The following DYM variants were observed in gnomAD, a reference collection of about 807,000 sequenced individuals.
DYM encodes the protein dymeclin.
DYM carries 78 observed loss-of-function variants against 93.1 expected under a neutral mutation model. The observed-to-expected ratio is 0.84, with a 90% CI of 0.70 to 1.01. The LOEUF (loss-of-function observed/expected upper bound fraction) is 1.01. Ranked by LOEUF, DYM falls within the 50% of genes least tolerant of loss-of-function variation. The probability of loss-of-function intolerance (pLI) is 0.00; values close to 1 mark genes in which losing one functional copy is unlikely to be tolerated. For synonymous variants in DYM, 321 were observed against 319.7 expected, an observed-to-expected ratio of 1.00 and a Z score of -0.04; for missense variants, 789 against 845.0, an observed-to-expected ratio of 0.93 and a Z score of 0.82.
At chr18:49,337,846 G>A (rs954402758) in intron 6 of DYM, among the ~76,000 whole-genome samples, 17 of 152,118 alleles carry the variant, frequency 1.1e-4, no homozygotes, top group Non-Finnish European at 1.5e-4. Flanking sequence ...AGCAGACGAA[G>A]AACAAGAAGA....
chr18:49,425,872 C>T (rs1208239154), intron 2 of DYM, among the ~76,000 whole-genome samples: 2 of 151,938 alleles, frequency 1.3e-5, no homozygotes, highest in African/African-American at 2.4e-5. Flanking sequence ...GTTAGAATGG[C>T]GATCATTAAA....
chr18:49,039,671 T>A lies in DYM; in HGVS notation c.*4384A>T, dbSNP rs190350726. Among the ~76,000 whole-genome samples the A allele has an allele frequency of 2.5e-4, 38 of 152,310 alleles. No homozygotes were observed. The highest frequency in any genetic ancestry group is 5.1e-4 in the Non-Finnish European group (35 of 68,026). ...TCTTACTCATTCTCTTTTCAGTTAT[T>A]TCTAATCTGCTCTTAAACCTGTTCA... On this transcript the variant is annotated 3_prime_UTR_variant, in exon 18 of 18. Transcript: ENST00000675505.
rs376672773 is a variant in DYM, at chr18:49,353,571, AAATAT to A, written c.494+9585_494+9589del. On this transcript the variant is annotated intron_variant, in intron 6 of 17. Coordinates refer to ENST00000675505, the MANE Select transcript of DYM (RefSeq NM_001353214.3). The stretch of plus-strand genomic sequence containing the variant: ...ACAGAAAAACTAAAAATGATAATTT[AAATAT>A]AATAGAATATAGCAAGGGAAAAGGT... 1.4e-4 allele frequency among the ~76,000 whole-genome samples: 22 copies of A among 152,214 alleles called. No homozygotes were observed. The South Asian group carries it at 4.1e-3, about 29-fold the overall frequency.
chr18:49,058,492 A>T (rs2075692859), intron 17 of DYM, among the ~76,000 whole-genome samples: 2 of 151,854 alleles, frequency 1.3e-5, no homozygotes, highest in African/African-American at 4.8e-5. Flanking sequence ...GCAAATTTTT[A>T]AATTTTTTAT....
chr18:49,210,709 C>T (rs543811790), intron 13 of DYM, among the ~76,000 whole-genome samples: 1 of 152,260 alleles, frequency 6.6e-6, no homozygotes, highest in Non-Finnish European at 1.5e-5. Context: ...GATTATGTGT[C>T]AATGCAGTTT....
intron 13 of DYM, among the ~76,000 whole-genome samples, chr18:49,250,139 G>C (rs768765604): frequency 6.6e-6 from 1 of 152,234 alleles, no homozygotes; most frequent in African/African-American, 2.4e-5. Flanking sequence ...CCAGAACTAA[G>C]TTTAAATTCC....
At chr18:49,399,073 T>C (rs1340389089) in intron 2 of DYM, among the ~76,000 whole-genome samples, 1 of 152,196 alleles carries the variant, frequency 6.6e-6, no homozygotes, top group Non-Finnish European at 1.5e-5. Flanking sequence ...AGTGCTTGGG[T>C]GCCTAGGACA....
chr18:49,085,963 T>C (rs974642787), intron 17 of DYM, among the ~76,000 whole-genome samples: 25 of 152,306 alleles, frequency 1.6e-4, no homozygotes, highest in African/African-American at 6.0e-4. Flanking sequence ...AGTTTGTGAA[T>C]GACACATTTC....
intron 17 of DYM, among the ~76,000 whole-genome samples, chr18:49,091,163 C>T (rs2079017209): frequency 6.6e-6 from 1 of 152,180 alleles, no homozygotes; most frequent in Non-Finnish European, 1.5e-5. Flanking sequence ...TTTCCTCCCT[C>T]CCTCCCATTC....
chr18:49,239,658 G>A (rs760007613), intron 13 of DYM, among the ~76,000 whole-genome samples: 1 of 152,196 alleles, frequency 6.6e-6, no homozygotes, highest in Non-Finnish European at 1.5e-5. Context: ...AAGAAGAACT[G>A]AGGTGTTCCA....
chr18:49,260,494 GA>G (rs1192864917), intron 11 of DYM, among the ~76,000 whole-genome samples: 1 of 151,966 alleles, frequency 6.6e-6, no homozygotes. Context: ...TAAACTAGAA[GA>G]AAAACAGAAC....
intron 8 of DYM, among the ~76,000 whole-genome samples, chr18:49,321,754 A>AGG (rs35606955): frequency 5.9e-5 from 9 of 151,844 alleles, no homozygotes; most frequent in Admixed American, 1.3e-4. Flanking sequence ...AATCCTGAAA[A>AGG]GGGGGGGAAA....
At chr18:49,064,417 C>T (rs763857681) in intron 17 of DYM, among the ~76,000 whole-genome samples, 5 of 152,178 alleles carry the variant, frequency 3.3e-5, no homozygotes, top group Non-Finnish European at 5.9e-5. Context: ...TTGAAGTAAA[C>T]GTGCAAAAAT....
chr18:49,354,142 CAA>C, intron 6 of DYM, among the ~76,000 whole-genome samples: 1 of 151,996 alleles, frequency 6.6e-6, no homozygotes. Context: ...TGGTCTTTGA[CAA>C]AGAAGCAAAG....
intron 15 of DYM, among the ~76,000 whole-genome samples, chr18:49,130,934 T>A (rs779552123): frequency 6.6e-6 from 1 of 152,248 alleles, no homozygotes; most frequent in South Asian, 2.1e-4. Flanking sequence ...CTTTACCATA[T>A]GTTAGCTGTG....
At position 49,149,623 on chromosome 18, in the gene DYM, C is replaced by G. The variant is rs183244688; in HGVS notation, c.1728+14062G>C. ...TTTTTTATTGTCACTGGGCAGAGGA[C>G]AGTGCCCAGAACATAGAAGCTGCTC... On this transcript the variant is annotated intron_variant, in intron 15 of 17. Transcript: ENST00000675505. Among the ~76,000 whole-genome samples the G allele has an allele frequency of 2.8e-4, 42 of 150,714 alleles. 1 individual carries two copies. Among genetic ancestry groups the G allele is most frequent in the African/African-American group, 1.0e-3 (41 of 40,938 alleles).
At chr18:49,115,334 G>C (rs1376833922) in intron 16 of DYM, among the ~76,000 whole-genome samples, 1 of 152,192 alleles carries the variant, frequency 6.6e-6, no homozygotes, top group Non-Finnish European at 1.5e-5. Context: ...CTCTGGTTTA[G>C]TCTTTTGTCA....
At chr18:49,432,538 T>C (rs1294373757) in intron 1 of DYM, among the ~76,000 whole-genome samples, 1 of 149,958 alleles carries the variant, frequency 6.7e-6, no homozygotes, top group Non-Finnish European at 1.5e-5. Context: ...CTTTCATTTA[T>C]AAGATTTTAA....
At chr18:49,385,212 T>G (rs1337729541) in intron 3 of DYM, among the ~76,000 whole-genome samples, 1 of 152,204 alleles carries the variant, frequency 6.6e-6, no homozygotes, top group Non-Finnish European at 1.5e-5. Flanking sequence ...GCACACTCTT[T>G]CAGGAGAGGA....
Sources: gnomAD v4.1 joint callset for allele counts (sites outside exome capture counted in the v4.1 genomes callset) on GRCh38, gnomAD v4.1.1 for gene constraint, MANE v1.5 for transcripts, NCBI Gene and HGNC (gene_info 2026-07-23, HGNC 2026-07-21) for gene names.